Variants in PIGK observed in about 807,000 individuals in gnomAD.
The protein encoded by PIGK is phosphatidylinositol glycan anchor biosynthesis class K, also known as GPI-anchor transamidase.
Under a neutral mutation model 50.6 loss-of-function variants are expected in PIGK, and 42 were observed. The ratio of observed to expected loss-of-function variants is 0.83; its 90% CI spans 0.65 to 1.07. The LOEUF is 1.07. Ranked by LOEUF, PIGK falls within the 50% of genes least tolerant of loss-of-function variation. The pLI, the probability that PIGK is intolerant of heterozygous loss-of-function variation, is 0.00. For missense variants in PIGK, 448 were observed against 488.7 expected (o/e 0.92, Z 0.78); for synonymous variants, 151 against 156.0 (o/e 0.97, Z 0.24).
At chr1:77,203,148 T>C (rs890969074) in intron 3 of PIGK, among the ~76,000 whole-genome samples, 1 of 150,306 alleles carries the variant, frequency 6.7e-6, no homozygotes, top group Admixed American at 6.6e-5. Flanking sequence ...TGTGGTAGAC[T>C]TGATGAAAGA....
rs190205304 is a variant in PIGK, at chr1:77,133,732, A to T, written c.987-11373T>A. 1.4e-3 allele frequency among the ~76,000 whole-genome samples: 217 copies of T among 152,322 alleles called. 1 individual carries two copies. The highest frequency in any genetic ancestry group is 1.5e-3 in the Non-Finnish European group (103 of 68,012). ...GATAAAACTAATTCATTACACCTTA[A>T]TGTGGCCCTATTCTAATGGTGAGGC... On this transcript the variant is annotated intron_variant, in intron 9 of 10. Coordinates refer to ENST00000370812, the MANE Select transcript of PIGK (RefSeq NM_005482.3).
In PIGK at chr1:77,217,271, A is replaced by C. The variant is rs528732548; in HGVS notation, c.93+2039T>G. ...ACACAATATAATAAGAGTACAACAG[A>C]GGGACCTGACCTGGTCAGGAAAGTT... On this transcript the variant is annotated intron_variant, in intron 1 of 10. Coordinates refer to ENST00000370812, the MANE Select transcript of PIGK (RefSeq NM_005482.3). 6.6e-5 allele frequency among the ~76,000 whole-genome samples: 10 copies of C among 152,324 alleles called. No individual in the cohort carries two copies. In the South Asian group the frequency reaches 2.1e-3, roughly 32 times the overall value.
chr1:77,148,124 T>C (rs1186290007), intron 9 of PIGK, among the ~76,000 whole-genome samples: 3 of 152,208 alleles, frequency 2.0e-5, no homozygotes, highest in Admixed American at 2.0e-4. Context: ...AATGCATATA[T>C]ACTCCAGCCT....
At chr1:77,148,050 G>C (rs1004607701) in intron 9 of PIGK, among the ~76,000 whole-genome samples, 1 of 152,242 alleles carries the variant, frequency 6.6e-6, no homozygotes, top group Non-Finnish European at 1.5e-5. Flanking sequence ...AATATGTGTA[G>C]AAAGTATTTC....
chr1:77,177,861 AAAG>A (rs1655522787), intron 3 of PIGK, among the ~76,000 whole-genome samples: 1 of 152,168 alleles, frequency 6.6e-6, no homozygotes, highest in African/African-American at 2.4e-5. Context: ...CACAACTGGG[AAAG>A]ATTCCTCCAC....
intron 3 of PIGK, among the ~76,000 whole-genome samples, chr1:77,204,044 G>A (rs1201524193): frequency 6.6e-6 from 1 of 152,156 alleles, no homozygotes; most frequent in Non-Finnish European, 1.5e-5. Context: ...GAAGAAGGGA[G>A]ATAACCTTGT....
At chr1:77,185,066 G>A (rs563180295) in intron 3 of PIGK, among the ~76,000 whole-genome samples, 11 of 152,166 alleles carry the variant, frequency 7.2e-5, no homozygotes, top group Non-Finnish European at 1.2e-4. Flanking sequence ...TGCTGTTCCC[G>A]ATGTGGTTTC....
chr1:77,187,090 G>A (rs952581599), intron 3 of PIGK, among the ~76,000 whole-genome samples: 50 of 152,106 alleles, frequency 3.3e-4, no homozygotes, highest in African/African-American at 1.0e-3. Context: ...CTCAGTTTAC[G>A]GCTAAAGAAG....
chr1:77,151,468 T>C (rs1186171605), intron 9 of PIGK, among the ~76,000 whole-genome samples: 1 of 152,084 alleles, frequency 6.6e-6, no homozygotes, highest in African/African-American at 2.4e-5. Flanking sequence ...ATCACTTCTA[T>C]CCAACATAGT....
chr1:77,143,358 G>GT (rs1458929548), intron 9 of PIGK, among the ~76,000 whole-genome samples: 2 of 151,768 alleles, frequency 1.3e-5, no homozygotes, highest in South Asian at 4.1e-4. Context: ...ATATTGTTAG[G>GT]TTTTTTTAAA....
chr1:77,193,792 T>G (rs1224980448), intron 3 of PIGK, among the ~76,000 whole-genome samples: 1 of 152,182 alleles, frequency 6.6e-6, no homozygotes, highest in Admixed American at 6.5e-5. Context: ...AAAGATTTCA[T>G]GACGCAGATA....
In PIGK at chr1:77,206,739, A is replaced by G; in HGVS notation, c.148-8T>C. On this transcript the variant is annotated splice_polypyrimidine_tract_variant and splice_region_variant and intron_variant, in intron 2 of 10. Transcript: ENST00000370812. ...GAATCGGGATGTACACACCTGAAGT[A>G]TTAAAACAAAAACAGAATTTTTATG... The G allele has an allele frequency of 1.3e-6, 2 of 1,571,410 alleles. No individual in the cohort carries two copies. Among genetic ancestry groups the G allele is most frequent in the Non-Finnish European group, 1.8e-6 (2 of 1,142,606 alleles).
intron 6 of PIGK, among the ~76,000 whole-genome samples, 188 bp from the exon 7 acceptor site, chr1:77,161,899 C>G (rs577977482): frequency 1.6e-4 from 25 of 152,214 alleles, no homozygotes; most frequent in African/African-American, 4.6e-4. Flanking sequence ...CCAAGGAAAC[C>G]ACAGCGAGTC....
At chr1:77,150,084 T>C (rs7525056) in intron 9 of PIGK, among the ~76,000 whole-genome samples, 98,877 of 151,964 alleles carry the variant, frequency 0.65, 32,978 homozygotes, top group African/African-American at 0.81. Flanking sequence ...TGGGATACAG[T>C]AAAAGTAGTA....
chr1:77,117,939 C>T (rs759159052), intron 10 of PIGK, among the ~76,000 whole-genome samples: 10 of 152,184 alleles, frequency 6.6e-5, no homozygotes, highest in Non-Finnish European at 1.3e-4. Flanking sequence ...ATACTCTCCT[C>T]CAGTAGTATC....
chr1:77,187,351 C>T (rs1655774072), intron 3 of PIGK, among the ~76,000 whole-genome samples: 3 of 152,210 alleles, frequency 2.0e-5, no homozygotes, highest in Non-Finnish European at 4.4e-5. Context: ...CACCACTCAT[C>T]ATCACCCCTA....
chr1:77,110,914 G>GA (rs745325949), intron 10 of PIGK, among the ~76,000 whole-genome samples: 2 of 151,766 alleles, frequency 1.3e-5, no homozygotes, highest in African/African-American at 4.8e-5. Context: ...AAATTTACAA[G>GA]AAAAAAACAA....
At chr1:77,107,290 CTT>C (rs1342917981) in intron 10 of PIGK, among the ~76,000 whole-genome samples, 7 of 152,118 alleles carry the variant, frequency 4.6e-5, no homozygotes, top group Non-Finnish European at 1.0e-4. Flanking sequence ...TATGTTGTGA[CTT>C]TGTTCTCGTT....
intron 9 of PIGK, among the ~76,000 whole-genome samples, chr1:77,144,426 A>G (rs1654721383): frequency 2.6e-5 from 4 of 151,970 alleles, no homozygotes. Flanking sequence ...TAGATTTTAT[A>G]CAATCAAAAA....
Sources: allele counts gnomAD v4.1 joint callset (sites outside exome capture counted in the v4.1 genomes callset), GRCh38; gene constraint gnomAD v4.1.1; transcripts MANE v1.5; gene names NCBI Gene and HGNC (gene_info 2026-07-23, HGNC 2026-07-21).